The following ALKBH3 variants were observed in gnomAD, a reference collection of about 807,000 sequenced individuals.
ALKBH3 encodes alpha-ketoglutarate-dependent dioxygenase alkB homolog 3.
In ALKBH3, 51 loss-of-function variants were observed where a neutral mutation model predicts 43.9. The observed-to-expected ratio is 1.16, with a 90% CI of 0.93 to 1.47. The LOEUF is 1.47. Ranked by LOEUF, ALKBH3 falls within the 40% of genes most tolerant of loss-of-function variation. The pLI is 0.00. For missense variants in ALKBH3, 361 were observed against 351.9 expected, an observed-to-expected ratio of 1.03 and a Z score of -0.21; for synonymous variants, 102 against 115.2, an observed-to-expected ratio of 0.89 and a Z score of 0.73.
intron 8 of ALKBH3, among the ~76,000 whole-genome samples, chr11:43,914,580 A>C (rs936765934): frequency 1.3e-5 from 2 of 152,212 alleles, no homozygotes; most frequent in African/African-American, 4.8e-5. Context: ...AAAAAAACTA[A>C]AAGGAAATAC....
Position 43,898,365 on chromosome 11 carries a change from C to T in ALKBH3, c.460-3151C>T, listed in dbSNP as rs114951366. 700 of 702,824 alleles carry T rather than the reference C, an allele frequency of 1.0e-3. 3 individuals are homozygous for T. In the African/African-American group the frequency reaches 0.011, roughly 11 times the overall value. The allele number at this position is 702,824 out of a possible 1,614,324, so 43.5% of individuals were successfully genotyped here. A position where few individuals can be genotyped will look rare whatever the true frequency, so the allele number is the denominator to read the frequency against. ...GGAGGAAGCAGCACCAGGTAGACTACATTCTTGCTACCTGGGCCGTTCCAC... is the reference window on the plus strand; with the variant it reads ...GGAGGAAGCAGCACCAGGTAGACTATATTCTTGCTACCTGGGCCGTTCCAC... On this transcript the variant is annotated intron_variant, in intron 7 of 9. Transcript: ENST00000302708.
At chr11:43,907,205 G>A (rs528284096) in intron 8 of ALKBH3, among the ~76,000 whole-genome samples, 1 of 150,658 alleles carries the variant, frequency 6.6e-6, no homozygotes, top group South Asian at 2.1e-4. Flanking sequence ...TGAGTAGAGA[G>A]AGAGAGAGTG....
intron 5 of ALKBH3, among the ~76,000 whole-genome samples, chr11:43,888,860 G>A (rs369804180): frequency 9.8e-5 from 15 of 152,298 alleles, no homozygotes; most frequent in Non-Finnish European, 2.2e-4. Flanking sequence ...TTTGAGCTGC[G>A]TTGGCATTGT....
chr11:43,897,980 C>G (rs1178375778), intron 7 of ALKBH3: 3 of 797,162 alleles, frequency 3.8e-6, no homozygotes, highest in Non-Finnish European at 6.9e-6. Flanking sequence ...TGGACTCCAC[C>G]TTCCATCACG....
intron 7 of ALKBH3, chr11:43,898,485 C>A: frequency 2.1e-6 from 2 of 949,416 alleles, no homozygotes; most frequent in Non-Finnish European, 3.4e-6. Flanking sequence ...TGGACACCAA[C>A]GGCTTGGTGA....
chr11:43,899,536 C>A, intron 7 of ALKBH3: 1 of 678,304 alleles, frequency 1.5e-6, no homozygotes, highest in Non-Finnish European at 2.8e-6. Context: ...CAGCCAGTCT[C>A]ACTCCAGCTC....
intron 8 of ALKBH3, among the ~76,000 whole-genome samples, chr11:43,916,294 G>C (rs751478966): frequency 3.3e-5 from 5 of 152,210 alleles, no homozygotes; most frequent in Non-Finnish European, 5.9e-5. Context: ...GTGGAGGTAA[G>C]AGTTGTGAGA....
intron 8 of ALKBH3, among the ~76,000 whole-genome samples, chr11:43,907,033 A>G (rs530989263): frequency 1.3e-5 from 2 of 152,348 alleles, no homozygotes; most frequent in East Asian, 1.9e-4. Context: ...GGAAATAGCA[A>G]TGAAACTAAA....
intron 4 of ALKBH3, among the ~76,000 whole-genome samples, chr11:43,885,344 T>C (rs902884942): frequency 2.0e-5 from 3 of 152,272 alleles, no homozygotes; most frequent in African/African-American, 7.2e-5. Flanking sequence ...TGAAACATTT[T>C]GTTCTCTGTA....
rs1329293134 is a variant in ALKBH3 at position 43,918,458 on chromosome 11, G to A, written c.670-580G>A. Reference sequence around the variant, plus strand: ...CTTTGAGAAAATCTTGCTGTTGTCTGTTCTGGAAAGAGGCAGGAATATGTC... The same window carrying A: ...CTTTGAGAAAATCTTGCTGTTGTCTATTCTGGAAAGAGGCAGGAATATGTC... On this transcript the variant is annotated intron_variant, in intron 8 of 9. Coordinates refer to ENST00000302708, the MANE Select transcript of ALKBH3 (RefSeq NM_139178.4). Among the ~76,000 whole-genome samples the A allele has an allele frequency of 2.0e-5, 3 of 152,336 alleles. No individual in the cohort carries two copies. The East Asian group carries it at 5.8e-4, about 29-fold the overall frequency.
At chr11:43,919,624 C>T (rs1952011213) in intron 9 of ALKBH3, 1 of 345,824 alleles carries the variant, frequency 2.9e-6, no homozygotes, top group Non-Finnish European at 5.4e-6. Flanking sequence ...TGGTCTCATC[C>T]ATTTATATGT....
intron 8 of ALKBH3, among the ~76,000 whole-genome samples, chr11:43,914,903 A>G (rs1052649256): frequency 1.3e-5 from 2 of 148,178 alleles, no homozygotes; most frequent in African/African-American, 2.5e-5. Flanking sequence ...AAACAGAATG[A>G]AAAAAAAAAA....
At chr11:43,881,660 C>T (rs1308438020) in intron 1 of ALKBH3, among the ~76,000 whole-genome samples, 2 of 152,306 alleles carry the variant, frequency 1.3e-5, no homozygotes, top group South Asian at 2.1e-4. Context: ...TTGTTAAACA[C>T]ACAGATTCCT....
intron 8 of ALKBH3, among the ~76,000 whole-genome samples, chr11:43,907,805 C>T (rs1951906524): frequency 6.6e-6 from 1 of 152,082 alleles, no homozygotes; most frequent in Middle Eastern, 3.2e-3. Flanking sequence ...TCATGAGCCT[C>T]AGGAAGGAGC....
At chr11:43,915,808 T>C (rs1951979187) in intron 8 of ALKBH3, among the ~76,000 whole-genome samples, 1 of 152,248 alleles carries the variant, frequency 6.6e-6, no homozygotes, top group African/African-American at 2.4e-5. Context: ...GTATAAACTC[T>C]GGATGATAGG....
chr11:43,886,480 G>A lies in ALKBH3; in HGVS notation c.219-126G>A, dbSNP rs1590366095. On this transcript the variant is annotated intron_variant, in intron 4 of 9. Coordinates refer to ENST00000302708, the MANE Select transcript of ALKBH3 (RefSeq NM_139178.4). ...AGTGGTAGAAGAAGGTGGGGATTAT[G>A]CCTCTCTCATAACTAAATGACTTTG... 45 of 779,116 alleles carry A rather than the reference G, an allele frequency of 5.8e-5. No homozygotes were observed. The East Asian group carries it at 1.2e-3, about 20-fold the overall frequency. The allele number at this position is 779,116 out of a possible 1,614,324, so 48.3% of individuals were successfully genotyped here. A position where few individuals can be genotyped will look rare whatever the true frequency, so the allele number is the denominator to read the frequency against.
intron 2 of ALKBH3, 131 bp from the exon 3 acceptor site, chr11:43,882,954 G>A (rs1290982507): frequency 1.8e-5 from 15 of 847,820 alleles, no homozygotes; most frequent in East Asian, 2.7e-5. Context: ...AGTATCTTCT[G>A]TTGACTTTAC....
In ALKBH3 at chr11:43,891,285, T is replaced by G. The variant is rs1018735299; in HGVS notation, c.371-756T>G. On this transcript the variant is annotated intron_variant, in intron 6 of 9. Transcript: ENST00000302708. ...AAGTAGTTGTTAATTTTAAGCAAATTACAGTTAAGTAACTCTCTGATCCCT... is the reference window on the plus strand; with the variant it reads ...AAGTAGTTGTTAATTTTAAGCAAATGACAGTTAAGTAACTCTCTGATCCCT... Among the ~76,000 whole-genome samples the G allele has an allele frequency of 3.3e-5, 5 of 152,324 alleles. No homozygotes were observed. In the East Asian group the frequency reaches 9.6e-4, roughly 29 times the overall value.
At chr11:43,909,565 C>T (rs1951921252) in intron 8 of ALKBH3, 1 of 152,222 alleles carries the variant, frequency 6.6e-6, no homozygotes, top group Non-Finnish European at 1.5e-5. Flanking sequence ...GAGGACATTA[C>T]TGGCATAGCC....
Sources: gnomAD v4.1 joint callset for allele counts (sites outside exome capture counted in the v4.1 genomes callset) on GRCh38, gnomAD v4.1.1 for gene constraint, MANE v1.5 for transcripts, NCBI Gene and HGNC (gene_info 2026-07-23, HGNC 2026-07-21) for gene names.